ARG2: variants seen among roughly 807,000 people sequenced by gnomAD.
ARG2 encodes the protein arginase-2, mitochondrial.
A neutral mutation model predicts 39.4 loss-of-function variants in ARG2; 21 were observed. The observed-to-expected ratio is 0.53, with a 90% CI of 0.38 to 0.77. ARG2 has a LOEUF of 0.77. ARG2 is among the 30% of genes least tolerant of loss of function. The pLI, the probability that ARG2 is intolerant of heterozygous loss-of-function variation, is 0.00. For missense variants in ARG2, 378 were observed against 426.2 expected (o/e 0.89, Z 1.00); for synonymous variants, 150 against 156.7 (o/e 0.96, Z 0.32).
intron 3 of ARG2, among the ~76,000 whole-genome samples, chr14:67,644,388 C>CA (rs1566804498): frequency 6.6e-6 from 1 of 152,206 alleles, no homozygotes; most frequent in African/African-American, 2.4e-5. Context: ...AGTCACACAG[C>CA]TCTTCCAGGA....
At chr14:67,633,269 C>CT (rs935952345) in intron 2 of ARG2, among the ~76,000 whole-genome samples, 9 of 151,220 alleles carry the variant, frequency 6.0e-5, no homozygotes, top group Admixed American at 4.0e-4. Context: ...TAGGTTCTCT[C>CT]TTTTTTTTTC....
At chr14:67,624,203 G>A (rs1566794500) in intron 2 of ARG2, among the ~76,000 whole-genome samples, 1 of 152,198 alleles carries the variant, frequency 6.6e-6, no homozygotes, top group African/African-American at 2.4e-5. Flanking sequence ...TACCATGTGA[G>A]AAGGAGTGGG....
At chr14:67,638,851 A>C (rs2037000796) in intron 2 of ARG2, among the ~76,000 whole-genome samples, 1 of 152,204 alleles carries the variant, frequency 6.6e-6, no homozygotes, top group South Asian at 2.1e-4. Flanking sequence ...CCCGTGCATA[A>C]TTATGTTAAG....
intron 2 of ARG2, among the ~76,000 whole-genome samples, chr14:67,641,038 TAACTG>T (rs1213405247): frequency 6.6e-6 from 1 of 152,176 alleles, no homozygotes; most frequent in African/African-American, 2.4e-5. Flanking sequence ...AGTAAGAAAA[TAACTG>T]CCTATCAGTA....
chr14:67,644,081 CTTG>C (rs1398446735), intron 3 of ARG2, among the ~76,000 whole-genome samples: 2 of 152,108 alleles, frequency 1.3e-5, no homozygotes, highest in Non-Finnish European at 2.9e-5. Context: ...TACCACAGAT[CTTG>C]TTTTCTTTTC....
intron 2 of ARG2, among the ~76,000 whole-genome samples, chr14:67,627,009 G>C (rs1272847260): frequency 1.3e-5 from 2 of 152,110 alleles, no homozygotes; most frequent in Admixed American, 6.5e-5. Context: ...GAACTGTCTA[G>C]AACAGGCAAA....
chr14:67,646,996 G>A lies in ARG2; in HGVS notation c.693G>A (p.Met231Ile). ...ATCGACTTGGTATCCAGAAGGTCAT[G>A]GAACGAACATTTGATCTGCTGATTG... ...DIDRLGIQKV[M>I]ERTFDLLIGK... is the part of the protein sequence containing the mutation. The change falls in exon 6 of 8, where the codon ATG becomes ATA. Residue 231 changes from methionine to isoleucine, a missense_variant. Met to Ile is a conservative substitution (Grantham distance 10). Transcript: ENST00000261783. 1 of 1,612,574 alleles carries A rather than the reference G, an allele frequency of 6.2e-7. No individual in the cohort carries two copies. Among genetic ancestry groups the A allele is most frequent in the South Asian group, 1.1e-5 (1 of 91,050 alleles).
At chr14:67,644,756 T>C (rs555279874) in intron 3 of ARG2, among the ~76,000 whole-genome samples, 59 of 152,288 alleles carry the variant, frequency 3.9e-4, no homozygotes, top group African/African-American at 1.4e-3. Context: ...CCTAGCACTT[T>C]GGGAGGCTGA....
intron 7 of ARG2, chr14:67,649,077 G>C (rs2037138462): frequency 1.3e-5 from 2 of 152,154 alleles, no homozygotes; most frequent in South Asian, 2.1e-4. Context: ...TGTTGCCAGT[G>C]GTCCTTAGGT....
intron 2 of ARG2, among the ~76,000 whole-genome samples, chr14:67,640,107 C>CT (rs200348364): frequency 1.4e-4 from 21 of 151,740 alleles, no homozygotes; most frequent in Non-Finnish European, 2.5e-4. Context: ...ACCTTTTTGT[C>CT]TTTTTTTAAA....
chr14:67,647,764 G>A (rs913452717), intron 6 of ARG2: 28 of 332,704 alleles, frequency 8.4e-5, no homozygotes, highest in Non-Finnish European at 1.2e-4. Flanking sequence ...TAGTATAAGA[G>A]GTTCTAATAC....
intron 2 of ARG2, among the ~76,000 whole-genome samples, chr14:67,624,885 G>A (rs2036846767): frequency 1.3e-5 from 2 of 152,172 alleles, no homozygotes; most frequent in Non-Finnish European, 2.9e-5. Flanking sequence ...ATTTTAACTT[G>A]CCCTGTTCCC....
At chr14:67,648,824 AT>A (rs1566807362) in intron 7 of ARG2, 1 of 152,210 alleles carries the variant, frequency 6.6e-6, no homozygotes, top group Non-Finnish European at 1.5e-5. Flanking sequence ...GCTACTTCAA[AT>A]GACCTTTCAT....
intron 2 of ARG2, 145 bp from the exon 3 acceptor site, chr14:67,642,041 C>T (rs2037037306): frequency 3.7e-6 from 3 of 809,512 alleles, no homozygotes; most frequent in South Asian, 1.8e-5. Flanking sequence ...AGATAATCTT[C>T]CCACAATCAT....
intron 2 of ARG2, among the ~76,000 whole-genome samples, chr14:67,628,913 T>C (rs2036892562): frequency 6.6e-6 from 1 of 152,218 alleles, no homozygotes; most frequent in South Asian, 2.1e-4. Context: ...GATCTTGAAG[T>C]AGTTGTGTAC....
chr14:67,631,667 T>C (rs2036920555), intron 2 of ARG2, among the ~76,000 whole-genome samples: 1 of 152,094 alleles, frequency 6.6e-6, no homozygotes, highest in African/African-American at 2.4e-5. Flanking sequence ...CCTGGCCTCA[T>C]GTGATCCTCC....
At chr14:67,650,353 T>A (rs2037156574) in intron 7 of ARG2, 1 of 289,852 alleles carries the variant, frequency 3.5e-6, no homozygotes. Flanking sequence ...GGAAGGTTCC[T>A]AGTCATACTG....
Position 67,650,807 on chromosome 14 carries a change from G to GTGAT in ARG2, c.955_958dup (p.Ala320AspfsTer17), listed in dbSNP as rs2037164366. The GTGAT allele has an allele frequency of 6.2e-7, 1 of 1,614,188 alleles. No homozygotes were observed. The highest frequency in any genetic ancestry group is 8.5e-7 in the Non-Finnish European group (1 of 1,180,016). On this transcript the variant is annotated frameshift_variant, in exon 8 of 8. Coordinates refer to ENST00000261783, the MANE Select transcript of ARG2 (RefSeq NM_001172.4). LOFTEE classifies it high-confidence loss of function. Reference sequence around the variant, plus strand: ...GACTACAGCTAACCTGGCAGTAGATGTGATTGCTTCAAGCTTTGGTCAGAC... The same window carrying GTGAT: ...GACTACAGCTAACCTGGCAGTAGATGTGATTGATTGCTTCAAGCTTTGGTCAGAC...
At chr14:67,643,040 C>T (rs2037054104) in intron 3 of ARG2, among the ~76,000 whole-genome samples, 1 of 152,026 alleles carries the variant, frequency 6.6e-6, no homozygotes, top group Non-Finnish European at 1.5e-5. Context: ...TGAGCTCAAG[C>T]GATCCTTCTG....
Sources: gnomAD v4.1 joint callset for allele counts (sites outside exome capture counted in the v4.1 genomes callset) on GRCh38, gnomAD v4.1.1 for gene constraint, MANE v1.5 for transcripts, NCBI Gene and HGNC (gene_info 2026-07-23, HGNC 2026-07-21) for gene names.